The following AUH variants were observed in gnomAD, a reference collection of about 807,000 sequenced individuals.
AUH encodes methylglutaconyl-CoA hydratase, mitochondrial.
In AUH, 29 loss-of-function variants were observed where a neutral mutation model predicts 42.3. The ratio of observed to expected loss-of-function variants is 0.69; its 90% CI spans 0.51 to 0.93. The LOEUF is 0.93. AUH is among the 40% of genes least tolerant of loss of function. The pLI is 0.00. For missense variants in AUH, 452 were observed against 438.1 expected, an observed-to-expected ratio of 1.03 and a Z score of -0.28; for synonymous variants, 174 against 166.4, an observed-to-expected ratio of 1.05 and a Z score of -0.35.
chr9:91,261,617 A>G (rs1829712761), intron 6 of AUH, among the ~76,000 whole-genome samples: 1 of 152,172 alleles, frequency 6.6e-6, no homozygotes, highest in Non-Finnish European at 1.5e-5. Context: ...GCTACTTCCT[A>G]TCCTGTGTTG....
chr9:91,281,771 C>T (rs900297463), intron 6 of AUH, among the ~76,000 whole-genome samples: 1 of 152,102 alleles, frequency 6.6e-6, no homozygotes, highest in Non-Finnish European at 1.5e-5. Context: ...TCAAAAGATA[C>T]CGAGAATCTA....
intron 6 of AUH, among the ~76,000 whole-genome samples, chr9:91,244,329 C>T (rs1045399415): frequency 5.3e-5 from 8 of 152,196 alleles, no homozygotes; most frequent in Admixed American, 2.6e-4. Context: ...TTGGCCAAAG[C>T]TGTCATAATA....
intron 6 of AUH, among the ~76,000 whole-genome samples, chr9:91,222,155 T>TA (rs140647812): frequency 0.046 from 6,817 of 149,372 alleles, 175 homozygotes; most frequent in African/African-American, 0.073. Flanking sequence ...GATTTTATCT[T>TA]AAAAAAAAAA....
At chr9:91,214,704 T>C (rs1564001559) in intron 9 of AUH, among the ~76,000 whole-genome samples, 1 of 152,268 alleles carries the variant, frequency 6.6e-6, no homozygotes, top group Non-Finnish European at 1.5e-5. Context: ...GCTATTTCTA[T>C]CTAAGCACTG....
chr9:91,258,658 A>C (rs1404121118), intron 6 of AUH, among the ~76,000 whole-genome samples: 1 of 152,230 alleles, frequency 6.6e-6, no homozygotes, highest in Non-Finnish European at 1.5e-5. Context: ...AAAAGCATAT[A>C]GTTTTTCATC....
At chr9:91,290,606 G>A (rs1826786773) in intron 6 of AUH, among the ~76,000 whole-genome samples, 1 of 152,104 alleles carries the variant, frequency 6.6e-6, no homozygotes, top group South Asian at 2.1e-4. Context: ...AGCCACTATT[G>A]CAGAGGACTC....
intron 6 of AUH, among the ~76,000 whole-genome samples, chr9:91,266,712 C>G (rs891886015): frequency 3.9e-5 from 6 of 152,198 alleles, no homozygotes; most frequent in African/African-American, 7.2e-5. Flanking sequence ...CCAGGCCTCA[C>G]AGAGTCCAGT....
At chr9:91,355,352 T>C (rs1832324306) in intron 3 of AUH, among the ~76,000 whole-genome samples, 1 of 152,146 alleles carries the variant, frequency 6.6e-6, no homozygotes, top group African/African-American at 2.4e-5. Flanking sequence ...AGGTCAGCAG[T>C]TCGAGACCAG....
intron 6 of AUH, among the ~76,000 whole-genome samples, chr9:91,275,085 G>A (rs1436573111): frequency 6.6e-6 from 1 of 152,178 alleles, no homozygotes; most frequent in Non-Finnish European, 1.5e-5. Context: ...CACACTGGGT[G>A]GTGATCTACC....
At chr9:91,327,848 G>A (rs78978656) in intron 3 of AUH, among the ~76,000 whole-genome samples, 14,449 of 152,264 alleles carry the variant, frequency 0.095, 713 homozygotes, top group Middle Eastern at 0.12. Flanking sequence ...ATGAATGCTG[G>A]TTTTATCTCT....
chr9:91,255,037 G>A (rs1304881821), intron 6 of AUH, among the ~76,000 whole-genome samples: 11 of 152,170 alleles, frequency 7.2e-5, no homozygotes, highest in Admixed American at 7.2e-4. Context: ...TCATACCAAA[G>A]TTGGAATAAA....
At chr9:91,306,245 C>T (rs1828211721) in intron 4 of AUH, 1 of 603,894 alleles carries the variant, frequency 1.7e-6, no homozygotes. Context: ...ATCAAAAAAC[C>T]CTCCCTAAGG....
At chr9:91,265,719 T>C (rs748237415) in intron 6 of AUH, among the ~76,000 whole-genome samples, 3 of 152,210 alleles carry the variant, frequency 2.0e-5, no homozygotes, top group Non-Finnish European at 2.9e-5. Flanking sequence ...TCAAAATCCA[T>C]ATCATCAGGA....
At chr9:91,350,028 C>G (rs571240158) in intron 3 of AUH, among the ~76,000 whole-genome samples, 1 of 152,090 alleles carries the variant, frequency 6.6e-6, no homozygotes, top group Admixed American at 6.5e-5. Context: ...CAGAATGTCA[C>G]GATCAACAAT....
chr9:91,320,451 C>T (rs1240425407), intron 4 of AUH, among the ~76,000 whole-genome samples: 1 of 152,198 alleles, frequency 6.6e-6, no homozygotes, highest in African/African-American at 2.4e-5. Flanking sequence ...GCCCAGTGTT[C>T]AAACTGTGTT....
At chr9:91,346,526 C>A (rs968672010) in intron 3 of AUH, among the ~76,000 whole-genome samples, 5 of 152,150 alleles carry the variant, frequency 3.3e-5, no homozygotes, top group African/African-American at 1.2e-4. Flanking sequence ...GTAAATAAAG[C>A]ACTTTCCTGA....
At chr9:91,262,863 GATATAGTC>G (rs2131453718) in intron 6 of AUH, among the ~76,000 whole-genome samples, 1 of 152,288 alleles carries the variant, frequency 6.6e-6, no homozygotes, top group East Asian at 1.9e-4. Context: ...AGAACTTTCA[GATATAGTC>G]ATATAGTAGA....
intron 4 of AUH, among the ~76,000 whole-genome samples, chr9:91,304,580 G>T (rs542652943): frequency 6.6e-6 from 1 of 152,130 alleles, no homozygotes; most frequent in Admixed American, 6.5e-5. Context: ...AAGCTTATAG[G>T]AAATATATAA....
At chr9:91,266,103 G>A (rs917547005) in intron 6 of AUH, among the ~76,000 whole-genome samples, 1 of 151,988 alleles carries the variant, frequency 6.6e-6, no homozygotes, top group African/African-American at 2.4e-5. Flanking sequence ...TGGCTCATGC[G>A]TGTAATCCCA....
Sources: allele counts gnomAD v4.1 joint callset (sites outside exome capture counted in the v4.1 genomes callset), GRCh38; gene constraint gnomAD v4.1.1; transcripts MANE v1.5; gene names NCBI Gene and HGNC (gene_info 2026-07-23, HGNC 2026-07-21).